Variants in GRXCR2 observed in about 807,000 individuals in gnomAD.
GRXCR2 encodes glutaredoxin and cysteine rich domain containing 2, also known as glutaredoxin domain-containing cysteine-rich protein 2.
GRXCR2 carries 23 observed loss-of-function variants against 24.8 expected under a neutral mutation model. The observed-to-expected ratio is 0.93, with a 90% CI of 0.67 to 1.32. The LOEUF is 1.32. Ranked by LOEUF, GRXCR2 falls within the 40% of genes most tolerant of loss-of-function variation. GRXCR2 has a pLI of 0.00. For missense variants in GRXCR2, 315 were observed against 303.4 expected, an observed-to-expected ratio of 1.04 and a Z score of -0.28; for synonymous variants, 130 against 116.1, an observed-to-expected ratio of 1.12 and a Z score of -0.77.
intron 2 of GRXCR2, among the ~76,000 whole-genome samples, chr5:145,912,633 G>T (rs1757181876): frequency 6.6e-6 from 1 of 152,178 alleles, no homozygotes; most frequent in Non-Finnish European, 1.5e-5. Flanking sequence ...CAGAGCAGGA[G>T]AGCTACTGTG....
At chr5:145,914,586 G>A (rs1416528592) in intron 2 of GRXCR2, among the ~76,000 whole-genome samples, 1 of 144,752 alleles carries the variant, frequency 6.9e-6, no homozygotes, top group African/African-American at 2.6e-5. Context: ...AGAGACAGGA[G>A]AATCACTTGA....
At chr5:145,863,146 G>A (rs1020935833) in intron 2 of GRXCR2, among the ~76,000 whole-genome samples, 4 of 152,126 alleles carry the variant, frequency 2.6e-5, no homozygotes, top group African/African-American at 4.8e-5. Flanking sequence ...GCTCAAACCT[G>A]GCCGGGCTTT....
intron 2 of GRXCR2, among the ~76,000 whole-genome samples, chr5:145,927,587 T>A (rs142820741): frequency 6.6e-6 from 1 of 152,212 alleles, no homozygotes; most frequent in African/African-American, 2.4e-5. Flanking sequence ...GCCCGCTTGA[T>A]CATGGTAGAT....
At chr5:145,884,017 G>A (rs1756741780) in intron 2 of GRXCR2, among the ~76,000 whole-genome samples, 1 of 152,200 alleles carries the variant, frequency 6.6e-6, no homozygotes, top group African/African-American at 2.4e-5. Flanking sequence ...AACGTATTAT[G>A]TCTCCTGATG....
chr5:145,930,374 T>C (rs1212541820), intron 2 of GRXCR2, among the ~76,000 whole-genome samples: 2 of 152,132 alleles, frequency 1.3e-5, no homozygotes, highest in Non-Finnish European at 2.9e-5. Flanking sequence ...CATGAGCCAC[T>C]ACTCTCTTTT....
At chr5:145,908,531 G>A (rs1046749363) in intron 2 of GRXCR2, among the ~76,000 whole-genome samples, 1 of 152,098 alleles carries the variant, frequency 6.6e-6, no homozygotes, top group Non-Finnish European at 1.5e-5. Flanking sequence ...GAATATGGAG[G>A]GATCTTTTAA....
chr5:145,887,331 T>G (rs907861427), intron 2 of GRXCR2, among the ~76,000 whole-genome samples: 1 of 152,220 alleles, frequency 6.6e-6, no homozygotes, highest in Admixed American at 6.5e-5. Flanking sequence ...TCTAGTTATT[T>G]AGTCCCACTA....
upstream of GRXCR2, among the ~76,000 whole-genome samples, chr5:145,875,686 G>T (rs1243678844): frequency 6.6e-6 from 1 of 152,016 alleles, no homozygotes; most frequent in Non-Finnish European, 1.5e-5. Flanking sequence ...AAGAACTAGG[G>T]AAACAATGTT....
intron 2 of GRXCR2, among the ~76,000 whole-genome samples, chr5:145,902,988 A>G (rs534800523): frequency 6.6e-6 from 1 of 152,312 alleles, no homozygotes; most frequent in East Asian, 1.9e-4. Flanking sequence ...AACCAGATGC[A>G]TTATGCAGCT....
At chr5:145,893,714 G>A (rs535628492) in intron 2 of GRXCR2, among the ~76,000 whole-genome samples, 1 of 152,192 alleles carries the variant, frequency 6.6e-6, no homozygotes, top group Admixed American at 6.5e-5. Flanking sequence ...GTCAACATTA[G>A]ACAGATCAAC....
At chr5:145,871,908 A>G (rs927253288) in intron 1 of GRXCR2, among the ~76,000 whole-genome samples, 3 of 152,192 alleles carry the variant, frequency 2.0e-5, no homozygotes, top group East Asian at 1.9e-4. Flanking sequence ...TACATCTCCT[A>G]TGAATTTTTG....
chr5:145,917,821 C>T (rs112449396), intron 2 of GRXCR2, among the ~76,000 whole-genome samples: 2,865 of 152,288 alleles, frequency 0.019, 63 homozygotes, highest in African/African-American at 0.055. Flanking sequence ...CACTTTGTCA[C>T]CAGGCTGGAG....
intron 2 of GRXCR2, among the ~76,000 whole-genome samples, chr5:145,905,637 A>G (rs987018533): frequency 2.6e-5 from 4 of 152,188 alleles, no homozygotes; most frequent in African/African-American, 9.7e-5. Flanking sequence ...AGAGAGATGG[A>G]GGGAATAAAT....
chr5:145,906,346 G>A (rs1005143258), intron 2 of GRXCR2, among the ~76,000 whole-genome samples: 5 of 149,636 alleles, frequency 3.3e-5, no homozygotes, highest in Middle Eastern at 3.4e-3. Flanking sequence ...AGGGGAAAAT[G>A]TTAAAAAAAA....
intron 2 of GRXCR2, among the ~76,000 whole-genome samples, chr5:145,930,220 G>A (rs976521759): frequency 2.0e-5 from 3 of 152,138 alleles, no homozygotes; most frequent in African/African-American, 7.2e-5. Context: ...AAGTAGCTGG[G>A]ATTACAGGCA....
chr5:145,872,417 A>G (rs1343828834), intron 1 of GRXCR2, among the ~76,000 whole-genome samples: 1 of 152,216 alleles, frequency 6.6e-6, no homozygotes, highest in Admixed American at 6.5e-5. Context: ...TTTGAATACT[A>G]TATATGCTCA....
chr5:145,872,238 G>A (rs1277329232), intron 1 of GRXCR2, among the ~76,000 whole-genome samples: 1 of 152,080 alleles, frequency 6.6e-6, no homozygotes. Flanking sequence ...GTAATTGGCT[G>A]GAGTAAAATG....
In GRXCR2 at chr5:145,923,427, G is replaced by A. The variant is rs566850722; in HGVS notation, c.-70+12274C>T. 3.3e-5 allele frequency among the ~76,000 whole-genome samples: 5 copies of A among 152,200 alleles called. No individual in the cohort carries two copies. In the East Asian group the frequency reaches 7.7e-4, roughly 23 times the overall value. ...TGTTGTCTCGAAATGAAAATCAAGC[G>A]GTTTCACATGACTGGAATACTTTCA... On this transcript the variant is annotated intron_variant, in intron 2 of 3. Transcript: ENST00000639411.
At chr5:145,866,443 T>C (rs1756436595) in intron 2 of GRXCR2, 58 bp downstream of exon 2, 1 of 1,254,544 alleles carries the variant, frequency 8.0e-7, no homozygotes, top group Non-Finnish European at 1.2e-6. Flanking sequence ...TCAAGCCAGC[T>C]TGGAGACCAT....
Sources: allele counts gnomAD v4.1 joint callset (sites outside exome capture counted in the v4.1 genomes callset), GRCh38; gene constraint gnomAD v4.1.1; transcripts MANE v1.5; gene names NCBI Gene and HGNC (gene_info 2026-07-23, HGNC 2026-07-21).